MROH9: variants seen among roughly 807,000 people sequenced by gnomAD.
The protein encoded by MROH9 is maestro heat like repeat family member 9, also known as maestro heat-like repeat-containing protein family member 9.
In MROH9, 92 loss-of-function variants were observed where a neutral mutation model predicts 98.2. That is an observed-to-expected ratio of 0.94 (90% confidence interval 0.79 to 1.11). The LOEUF is 1.11. Ranked by LOEUF, MROH9 falls within the 50% of genes most tolerant of loss-of-function variation. The pLI is 0.00. For synonymous variants in MROH9, 397 were observed against 368.9 expected (o/e 1.08, Z -0.87); for missense variants, 1,057 against 1,014.8 (o/e 1.04, Z -0.57).
intron 20 of MROH9, among the ~76,000 whole-genome samples, chr1:171,055,446 C>T (rs1007166056): frequency 1.3e-5 from 2 of 151,812 alleles, no homozygotes; most frequent in African/African-American, 4.8e-5. Context: ...CATGGTGAAA[C>T]CCCGTCTCTA....
chr1:170,969,903 T>C (rs1482742694), intron 7 of MROH9, among the ~76,000 whole-genome samples: 1 of 152,282 alleles, frequency 6.6e-6, no homozygotes, highest in East Asian at 1.9e-4. Flanking sequence ...ACTGTGGTTG[T>C]CACGCTTCTG....
At chr1:171,049,320 C>G (rs1050435673) in intron 20 of MROH9, among the ~76,000 whole-genome samples, 1 of 152,100 alleles carries the variant, frequency 6.6e-6, no homozygotes, top group African/African-American at 2.4e-5. Context: ...CTACCCCCAC[C>G]CCCAGCCCCA....
chr1:170,949,322 C>T (rs1170339678), intron 3 of MROH9, among the ~76,000 whole-genome samples: 1 of 151,852 alleles, frequency 6.6e-6, no homozygotes, highest in East Asian at 1.9e-4. Context: ...TAAACAACAC[C>T]CTGCAGCATC....
At chr1:170,989,467 A>G (rs1327630749) in intron 10 of MROH9, among the ~76,000 whole-genome samples, 1 of 149,734 alleles carries the variant, frequency 6.7e-6, no homozygotes, top group Non-Finnish European at 1.5e-5. Flanking sequence ...TTTAACTTGC[A>G]AAAGTTTTCT....
At chr1:171,060,691 T>C (rs1324222484) in intron 20 of MROH9, among the ~76,000 whole-genome samples, 2 of 152,154 alleles carry the variant, frequency 1.3e-5, no homozygotes, top group Non-Finnish European at 2.9e-5. Context: ...TATACAGGTA[T>C]ATAAAAATAT....
In MROH9 at chr1:170,986,707, C is replaced by T; in HGVS notation, c.876C>T (p.Thr292=). The change falls in exon 10 of 22, where the codon ACC becomes ACT. Residue 292 remains threonine, a synonymous_variant. Transcript: ENST00000367759. ...FTLEFHAEKV[T]MVSKIVDAIY... ...TGGAATTTCATGCCGAGAAGGTCACCATGGTAAGATACTTGACAATAAGCA... is the reference window on the plus strand; with the variant it reads ...TGGAATTTCATGCCGAGAAGGTCACTATGGTAAGATACTTGACAATAAGCA... 1.2e-6 allele frequency: 2 copies of T among 1,613,382 alleles called. No individual in the cohort carries two copies. Among genetic ancestry groups the T allele is most frequent in the Non-Finnish European group, 1.7e-6 (2 of 1,179,608 alleles).
rs754332732 is a variant in MROH9, at chr1:171,044,972, CTTTTTTTTTTTTTTTTTTTTTTTTT to C, written c.2282-17137_2282-17113del. On this transcript the variant is annotated intron_variant, in intron 20 of 21. Coordinates refer to ENST00000367759, the MANE Select transcript of MROH9 (RefSeq NM_001163629.2). Reference sequence around the variant, plus strand: ...CAATTCCATTTATTTCTGCTCTGATCTTTTTTTTTTTTTTTTTTTTTTTTTTTTTTTTTTTTTTTTTTTTTTTGAG... The same window carrying C: ...CAATTCCATTTATTTCTGCTCTGATCTTTTTTTTTTTTTTTTTTTTTTGAG... Among the ~76,000 whole-genome samples, 142 of 45,706 alleles carry C rather than the reference CTTTTTTTTTTTTTTTTTTTTTTTTT, an allele frequency of 3.1e-3. 4 individuals carry two copies. Among genetic ancestry groups the C allele is most frequent in the South Asian group, 0.015 (16 of 1,048 alleles). The allele number at this position is 45,706 out of a possible 152,430, so 30.0% of individuals were successfully genotyped here.
At chr1:171,053,934 C>G (rs996645201) in intron 20 of MROH9, among the ~76,000 whole-genome samples, 1 of 151,938 alleles carries the variant, frequency 6.6e-6, no homozygotes, top group African/African-American at 2.4e-5. Context: ...AGAAGAACTC[C>G]TGTAAGAGAT....
At chr1:170,952,578 C>T (rs1338948986) in intron 3 of MROH9, among the ~76,000 whole-genome samples, 1 of 131,948 alleles carries the variant, frequency 7.6e-6, no homozygotes, top group Admixed American at 9.3e-5. Flanking sequence ...GGAAGCGGAA[C>T]ATCACACACT....
chr1:170,962,127 C>A, intron 6 of MROH9, 151 bp downstream of exon 6: 2 of 533,936 alleles, frequency 3.7e-6, no homozygotes, highest in Non-Finnish European at 6.6e-6. Flanking sequence ...AATGTAGTCA[C>A]TTCCCTTTAT....
chr1:170,969,546 T>A (rs1460867342), intron 7 of MROH9, among the ~76,000 whole-genome samples: 2 of 152,194 alleles, frequency 1.3e-5, no homozygotes, highest in East Asian at 3.8e-4. Flanking sequence ...AGATAGACAA[T>A]GTCTCAAACT....
intron 1 of MROH9, among the ~76,000 whole-genome samples, chr1:170,939,685 C>T (rs150083712): frequency 4.6e-5 from 7 of 152,236 alleles, no homozygotes; most frequent in South Asian, 2.1e-4. Context: ...GGAGTACTGC[C>T]GTGCACACCC....
chr1:170,972,122 T>G (rs1292372690), intron 8 of MROH9, among the ~76,000 whole-genome samples: 1 of 152,144 alleles, frequency 6.6e-6, no homozygotes, highest in Non-Finnish European at 1.5e-5. Context: ...TGAGGGTTAA[T>G]GGTAGGGAGA....
At position 171,064,537 on chromosome 1, in the gene MROH9, C is replaced by A; in HGVS notation, c.*197C>A. ...ATTCAAATATAGAAATCTGAGAGAA[C>A]TAGTGCCTCTGTATGTCTGACAGTG... On this transcript the variant is annotated 3_prime_UTR_variant, in exon 22 of 22. Coordinates refer to ENST00000367759, the MANE Select transcript of MROH9 (RefSeq NM_001163629.2). 1.2e-5 allele frequency: 6 copies of A among 519,616 alleles called. No homozygotes were observed. The South Asian group carries it at 1.6e-4, about 14-fold the overall frequency. The allele number at this position is 519,616 out of a possible 1,614,324, so 32.2% of individuals were successfully genotyped here. A position where few individuals can be genotyped will look rare whatever the true frequency, so the allele number is the denominator to read the frequency against.
At chr1:170,959,324 G>A (rs145790054) in intron 4 of MROH9, 138 bp from the exon 5 acceptor site, 51,527 of 673,864 alleles carry the variant, frequency 0.076, 2,358 homozygotes, top group Middle Eastern at 0.14. Context: ...GCAGTGAGCC[G>A]AGATGGCACC....
chr1:170,965,236 T>C lies in MROH9; in HGVS notation c.461T>C (p.Val154Ala), dbSNP rs759823758. 1 of 1,609,260 alleles carries C rather than the reference T, an allele frequency of 6.2e-7. No individual in the cohort carries two copies. The highest frequency in any genetic ancestry group is 1.1e-5 in the South Asian group (1 of 90,822). ...VIINKVLRFT[V>A]TKVRKYISVD... is the part of the protein sequence containing the mutation. ...ATCAACAAGGTGTTAAGATTTACAG[T>C]CACAAAAGTCAGAAAATACGTAAGT... Residue 154 changes from valine (V) to alanine (A), a missense_variant, in exon 7 of 22, where the codon GTC becomes GCC. Val to Ala is a moderately conservative substitution (Grantham distance 64, BLOSUM62 0). Coordinates refer to ENST00000367759, the MANE Select transcript of MROH9 (RefSeq NM_001163629.2).
chr1:170,965,552 T>G (rs1163112968), intron 7 of MROH9, among the ~76,000 whole-genome samples: 1 of 152,176 alleles, frequency 6.6e-6, no homozygotes, highest in Admixed American at 6.6e-5. Context: ...TTGTAATCTT[T>G]AAAATCCTTC....
intron 20 of MROH9, among the ~76,000 whole-genome samples, chr1:171,053,095 C>A (rs1232905224): frequency 2.0e-5 from 3 of 152,196 alleles, no homozygotes; most frequent in Admixed American, 6.5e-5. Flanking sequence ...GCGGCTTCAA[C>A]AATTCTCCTT....
chr1:171,016,459 C>A, intron 17 of MROH9, 123 bp downstream of exon 17: 1 of 705,898 alleles, frequency 1.4e-6, no homozygotes, highest in Non-Finnish European at 2.0e-6. Context: ...ATTTCTTTTA[C>A]AGAGATAAAA....
Sources: allele counts gnomAD v4.1 joint callset (sites outside exome capture counted in the v4.1 genomes callset), GRCh38; gene constraint gnomAD v4.1.1; transcripts MANE v1.5; gene names NCBI Gene and HGNC (gene_info 2026-07-23, HGNC 2026-07-21).